The following PCOLCE2 variants were observed in gnomAD, a reference collection of about 807,000 sequenced individuals.
PCOLCE2 encodes procollagen C-endopeptidase enhancer 2, also known as procollagen C-proteinase enhancer 2.
PCOLCE2 carries 42 observed loss-of-function variants against 47.0 expected under a neutral mutation model. The observed-to-expected ratio is 0.89, with a 90% CI of 0.70 to 1.16. The LOEUF is 1.16. PCOLCE2 is among the 50% of genes most tolerant of loss of function. The pLI is 0.00. For missense variants in PCOLCE2, 500 were observed against 526.1 expected (o/e 0.95, Z 0.49); for synonymous variants, 169 against 191.7 (o/e 0.88, Z 0.98).
chr3:142,827,611 C>T (rs111851090), intron 6 of PCOLCE2: 3 of 1,476,110 alleles, frequency 2.0e-6, no homozygotes, highest in South Asian at 1.1e-5. Context: ...AATACACAAA[C>T]TGGCCCGTGT....
At chr3:142,844,437 G>C (rs1022874937) in intron 3 of PCOLCE2, among the ~76,000 whole-genome samples, 1 of 152,174 alleles carries the variant, frequency 6.6e-6, no homozygotes, top group Non-Finnish European at 1.5e-5. Context: ...GACTGCAACT[G>C]CTGGGCCAAG....
chr3:142,836,464 C>G (rs1937205086), intron 5 of PCOLCE2, among the ~76,000 whole-genome samples: 1 of 152,232 alleles, frequency 6.6e-6, no homozygotes, highest in Non-Finnish European at 1.5e-5. Flanking sequence ...ATGTGCTTCT[C>G]TCTCTGGCTT....
intron 2 of PCOLCE2, among the ~76,000 whole-genome samples, chr3:142,854,848 C>A (rs552018972): frequency 6.6e-6 from 1 of 152,306 alleles, no homozygotes; most frequent in South Asian, 2.1e-4. Flanking sequence ...CTTACAGCAA[C>A]CCTATGAAGT....
At chr3:142,843,482 A>G (rs1008358756) in intron 3 of PCOLCE2, among the ~76,000 whole-genome samples, 76 of 150,774 alleles carry the variant, frequency 5.0e-4, no homozygotes, top group African/African-American at 1.8e-3. Flanking sequence ...ACTTCCCATG[A>G]TATATATATA....
rs762887486 is a variant in PCOLCE2 at position 142,821,010 on chromosome 3, C to T, written c.985G>A (p.Asp329Asn). ...AGTVITTITR[D>N]GSLHATVSII... ...GAGACTGTGGCGTGCAAACTCCCATCGCGAGTGATGGTTGTGATAACAGTG... is the reference window on the plus strand; with the variant it reads ...GAGACTGTGGCGTGCAAACTCCCATTGCGAGTGATGGTTGTGATAACAGTG... Residue 329 changes from aspartate (D) to asparagine (N), a missense_variant, in exon 8 of 9, where the codon GAT (aspartate) becomes AAT (asparagine). Asp to Asn is a conservative substitution (Grantham distance 23, BLOSUM62 1). Transcript: ENST00000295992. 1.3e-4 allele frequency: 217 copies of T among 1,613,150 alleles called. No homozygotes were observed. The highest frequency in any genetic ancestry group is 1.8e-4 in the Non-Finnish European group (208 of 1,179,360).
intron 6 of PCOLCE2, among the ~76,000 whole-genome samples, chr3:142,826,197 C>T (rs893212771): frequency 2.0e-5 from 3 of 151,932 alleles, no homozygotes; most frequent in Middle Eastern, 3.4e-3. Flanking sequence ...TTAGTAGAGG[C>T]GGGGTTTCAC....
At chr3:142,885,570 C>T (rs542575217) in intron 2 of PCOLCE2, among the ~76,000 whole-genome samples, 6 of 152,318 alleles carry the variant, frequency 3.9e-5, no homozygotes, top group African/African-American at 1.4e-4. Context: ...ATCCTTCTAG[C>T]TGGTGCCACT....
chr3:142,834,513 T>G (rs1022450447), intron 5 of PCOLCE2, among the ~76,000 whole-genome samples: 20 of 152,182 alleles, frequency 1.3e-4, no homozygotes, highest in African/African-American at 4.8e-4. Context: ...TAAAATAAAT[T>G]TTTTTCAAAA....
At chr3:142,848,929 G>A (rs1014740468) in intron 2 of PCOLCE2, among the ~76,000 whole-genome samples, 7 of 152,052 alleles carry the variant, frequency 4.6e-5, no homozygotes, top group African/African-American at 1.2e-4. Flanking sequence ...CGAGGTGGGC[G>A]GATCACAAGG....
chr3:142,850,227 TATG>T (rs1186765592), intron 2 of PCOLCE2, among the ~76,000 whole-genome samples: 2 of 152,242 alleles, frequency 1.3e-5, no homozygotes, highest in East Asian at 3.8e-4. Flanking sequence ...GTTATCAAAA[TATG>T]ATGCCACATC....
chr3:142,843,383 TGTTAA>T, intron 3 of PCOLCE2: 1 of 445,216 alleles, frequency 2.2e-6, no homozygotes, highest in Non-Finnish European at 4.4e-6. Flanking sequence ...ATCATAGAGA[TGTTAA>T]GGCTCCTCAA....
intron 7 of PCOLCE2, among the ~76,000 whole-genome samples, chr3:142,822,660 C>T (rs969042596): frequency 2.0e-5 from 3 of 152,138 alleles, no homozygotes; most frequent in Admixed American, 6.6e-5. Flanking sequence ...TTACATGTGG[C>T]GTTGTTTTCA....
chr3:142,882,916 T>A (rs1933653065), intron 2 of PCOLCE2, among the ~76,000 whole-genome samples: 1 of 152,094 alleles, frequency 6.6e-6, no homozygotes, highest in South Asian at 2.1e-4. Flanking sequence ...GAAACCAATT[T>A]TAGGCAGGGC....
chr3:142,855,265 G>A (rs537610304), intron 2 of PCOLCE2, among the ~76,000 whole-genome samples: 1 of 152,282 alleles, frequency 6.6e-6, no homozygotes, highest in Non-Finnish European at 1.5e-5. Context: ...TGGGTCTACA[G>A]TTTGTCCAAT....
chr3:142,876,289 T>A (rs1227718500), intron 2 of PCOLCE2, among the ~76,000 whole-genome samples: 1 of 152,180 alleles, frequency 6.6e-6, no homozygotes, highest in Non-Finnish European at 1.5e-5. Context: ...TTTTGAGTAT[T>A]TACCATTTGC....
At chr3:142,871,598 A>C (rs573342702) in intron 2 of PCOLCE2, among the ~76,000 whole-genome samples, 8 of 152,312 alleles carry the variant, frequency 5.3e-5, no homozygotes, top group East Asian at 1.9e-4. Context: ...GCCCTCATCC[A>C]ATCAGTTGGA....
intron 5 of PCOLCE2, among the ~76,000 whole-genome samples, chr3:142,836,097 A>T (rs1328745354): frequency 6.6e-6 from 1 of 152,192 alleles, no homozygotes; most frequent in East Asian, 1.9e-4. Flanking sequence ...GGAAGCTTTA[A>T]ACTAAATTCT....
At chr3:142,827,700 G>A in intron 6 of PCOLCE2, 2 of 1,104,208 alleles carry the variant, frequency 1.8e-6, no homozygotes, top group Admixed American at 1.8e-5. Flanking sequence ...TTGGGGAGGG[G>A]CGCGCTGTGA....
chr3:142,875,817 C>T (rs1170197769), intron 2 of PCOLCE2, among the ~76,000 whole-genome samples: 3 of 152,172 alleles, frequency 2.0e-5, no homozygotes, highest in African/African-American at 7.2e-5. Context: ...CCCCGCTTCA[C>T]ATCCCCAAAG....
Sources: gnomAD v4.1 joint callset for allele counts (sites outside exome capture counted in the v4.1 genomes callset) on GRCh38, gnomAD v4.1.1 for gene constraint, MANE v1.5 for transcripts, NCBI Gene and HGNC (gene_info 2026-07-23, HGNC 2026-07-21) for gene names.